The following CYP4F12 variants were observed in gnomAD, a reference collection of about 807,000 sequenced individuals.
CYP4F12 encodes cytochrome P450 4F12.
CYP4F12 carries 60 observed loss-of-function variants against 56.5 expected under a neutral mutation model. The observed-to-expected ratio is 1.06, with a 90% CI of 0.86 to 1.32. CYP4F12 has a LOEUF of 1.32. Ranked by LOEUF, CYP4F12 falls within the 40% of genes most tolerant of loss-of-function variation. The probability of loss-of-function intolerance (pLI) is 0.00; values close to 1 mark genes in which losing one functional copy is unlikely to be tolerated. For missense variants in CYP4F12, 711 were observed against 683.5 expected (o/e 1.04, Z -0.45); for synonymous variants, 263 against 264.9 (o/e 0.99, Z 0.07).
chr19:15,685,129 A>G lies in CYP4F12; in HGVS notation c.1047A>G (p.Glu349=), dbSNP rs61729075. ...TGTACAACCTTGCGAGGCACCCAGA[A>G]TACCAGGAGCGCTGCCGACAGGAGG... ...WVLYNLARHP[E]YQERCRQEVQ... The change falls in exon 9 of 13, where the codon GAA becomes GAG. Residue 349 remains glutamate, a synonymous_variant. Coordinates refer to ENST00000550308, the MANE Select transcript of CYP4F12 (RefSeq NM_023944.4). 4.6e-3 allele frequency: 7,345 copies of G among 1,613,678 alleles called. 67 individuals carry two copies. In the African/African-American group the frequency reaches 0.087, roughly 19 times the overall value.
In CYP4F12 at chr19:15,692,647, A is replaced by AT. The variant is rs554938107; in HGVS notation, c.1116-3282dup. On this transcript the variant is annotated intron_variant, in intron 9 of 12. Coordinates refer to ENST00000550308, the MANE Select transcript of CYP4F12 (RefSeq NM_023944.4). ...TGACAAGATAATGTTCAGATTAATC[A>AT]TTTTTTTCTAAAAGAGTCCTAAAAG... Among the ~76,000 whole-genome samples the AT allele has an allele frequency of 2.0e-4, 30 of 152,256 alleles. No individual in the cohort carries two copies. The South Asian group carries it at 5.6e-3, about 28-fold the overall frequency.
In CYP4F12 at chr19:15,678,314, T is replaced by C; in HGVS notation, c.252T>C (p.Tyr84=). Residue 84 remains tyrosine (Y), a synonymous_variant, in exon 3 of 13, where the codon TAT becomes TAC. Transcript: ENST00000550308. ...LKNSTQMSAT[Y]SQGFTVWLGP... ...ACTCGACCCAGATGTCGGCCACCTATTCCCAGGGCTTTACGGTATGGCTGG... is the reference window on the plus strand; with the variant it reads ...ACTCGACCCAGATGTCGGCCACCTACTCCCAGGGCTTTACGGTATGGCTGG... 1 of 1,614,204 alleles carries C rather than the reference T, an allele frequency of 6.2e-7. No homozygotes were observed. The highest frequency in any genetic ancestry group is 8.5e-7 in the Non-Finnish European group (1 of 1,180,038).
At chr19:15,675,748 C>T (rs1341252831) in intron 2 of CYP4F12, among the ~76,000 whole-genome samples, 2 of 152,220 alleles carry the variant, frequency 1.3e-5, no homozygotes, top group African/African-American at 4.8e-5. Flanking sequence ...ACGCTGCTCA[C>T]TGCAGAGGCT....
At position 15,696,501 on chromosome 19, in the gene CYP4F12, C is replaced by A; in HGVS notation, c.1386C>A (p.Ser462=). ...GRSPLAFIPF[S]AGPRNCIGQA... ...CACCTCTGGCTTTTATTCCTTTCTC[C>A]GCAGGGCCCAGGTAAGAGCGCCCTG... Residue 462 remains serine, a synonymous_variant, in exon 12 of 13, where the codon TCC becomes TCA. Coordinates refer to ENST00000550308, the MANE Select transcript of CYP4F12 (RefSeq NM_023944.4). The A allele has an allele frequency of 6.2e-7, 1 of 1,614,002 alleles. No individual in the cohort carries two copies. The highest frequency in any genetic ancestry group is 1.1e-5 in the South Asian group (1 of 91,070).
At chr19:15,676,154 G>C (rs2006908395) in intron 2 of CYP4F12, among the ~76,000 whole-genome samples, 1 of 152,110 alleles carries the variant, frequency 6.6e-6, no homozygotes, top group Non-Finnish European at 1.5e-5. Context: ...CAATGGATTG[G>C]ATGGGGTCTG....
intron 9 of CYP4F12, among the ~76,000 whole-genome samples, chr19:15,687,956 G>A (rs2007698809): frequency 6.6e-6 from 1 of 152,156 alleles, no homozygotes; most frequent in African/African-American, 2.4e-5. Flanking sequence ...AACCTCGAGT[G>A]GGGATGAACT....
In CYP4F12 at chr19:15,678,353, C is replaced by T. The variant is rs1353438509; in HGVS notation, c.291C>T (p.Pro97=). The T allele has an allele frequency of 6.8e-6, 11 of 1,614,100 alleles. No individual in the cohort carries two copies. The highest frequency in any genetic ancestry group is 1.3e-5 in the African/African-American group (1 of 74,938). ...GFTVWLGPII[P]FIVLCHPDTI... ...CGGTATGGCTGGGTCCCATCATCCC[C>T]TTCATCGTTTTATGCCACCCTGACA... Residue 97 remains proline, a synonymous_variant, in exon 3 of 13, where the codon CCC becomes CCT. Coordinates refer to ENST00000550308, the MANE Select transcript of CYP4F12 (RefSeq NM_023944.4).
chr19:15,683,304 A>G (rs1375166753), intron 6 of CYP4F12, among the ~76,000 whole-genome samples, 189 bp from the exon 7 acceptor site: 3 of 152,186 alleles, frequency 2.0e-5, no homozygotes, highest in East Asian at 3.8e-4. Context: ...TCTCAGAGAT[A>G]GGATGCAGGG....
At chr19:15,690,696 T>C (rs1233481978) in intron 9 of CYP4F12, among the ~76,000 whole-genome samples, 5 of 152,200 alleles carry the variant, frequency 3.3e-5, no homozygotes, top group Non-Finnish European at 7.4e-5. Context: ...ATTTTGTATA[T>C]ATACACCACA....
intron 9 of CYP4F12, among the ~76,000 whole-genome samples, chr19:15,692,864 A>T (rs2007935401): frequency 1.3e-5 from 2 of 152,102 alleles, no homozygotes; most frequent in South Asian, 4.1e-4. Context: ...ACTTGAGATC[A>T]GGAGTTCAAG....
rs1329059881 is a variant in CYP4F12 at position 15,677,574 on chromosome 19, T to C, written c.199-687T>C. The stretch of plus-strand genomic sequence containing the variant: ...TCTCCTCACTCACTCGTTCCTCTCC[T>C]CACTCGCTCATTCCTCTCCTCACTC... On this transcript the variant is annotated intron_variant, in intron 2 of 12. Coordinates refer to ENST00000550308, the MANE Select transcript of CYP4F12 (RefSeq NM_023944.4). Among the ~76,000 whole-genome samples, 7 of 17,356 alleles carry C rather than the reference T, an allele frequency of 4.0e-4. 3 individuals carry two copies. The highest frequency in any genetic ancestry group is 8.3e-4 in the Non-Finnish European group (7 of 8,430). The allele number at this position is 17,356 out of a possible 152,430, so 11.4% of individuals were successfully genotyped here.
At chr19:15,690,842 G>A (rs753571713) in intron 9 of CYP4F12, among the ~76,000 whole-genome samples, 3 of 152,004 alleles carry the variant, frequency 2.0e-5, no homozygotes, top group Non-Finnish European at 4.4e-5. Context: ...TCTCCAAGGG[G>A]GCCTGTAGAG....
At chr19:15,679,150 C>T (rs1427333170) in intron 3 of CYP4F12, among the ~76,000 whole-genome samples, 1 of 152,184 alleles carries the variant, frequency 6.6e-6, no homozygotes, top group African/African-American at 2.4e-5. Flanking sequence ...GCTCTGACCC[C>T]CAAATCCTTA....
At position 15,682,452 on chromosome 19, in the gene CYP4F12, C is replaced by T. The variant is rs779765914; in HGVS notation, c.589C>T (p.Leu197Phe). Residue 197 changes from leucine (L) to phenylalanine (F), a missense_variant, in exon 6 of 13, where the codon CTC becomes TTC. Transcript: ENST00000550308. The part of the protein sequence containing the change: ...SRLDMFEHIS[L>F]MTLDSLQKCI... ...TCTGGACATGTTTGAGCACATCAGCCTCATGACCTTGGACAGTCTACAGAA... is the reference window on the plus strand; with the variant it reads ...TCTGGACATGTTTGAGCACATCAGCTTCATGACCTTGGACAGTCTACAGAA... The T allele has an allele frequency of 1.2e-6, 2 of 1,613,974 alleles. No homozygotes were observed. The highest frequency in any genetic ancestry group is 1.7e-6 in the Non-Finnish European group (2 of 1,179,864).
rs761043636 is a variant in CYP4F12 at position 15,678,251 on chromosome 19, T to C, written c.199-10T>C. The C allele has an allele frequency of 4.3e-6, 7 of 1,614,042 alleles. No individual in the cohort carries two copies. The highest frequency in any genetic ancestry group is 5.9e-6 in the Non-Finnish European group (7 of 1,180,000). On this transcript the variant is annotated splice_polypyrimidine_tract_variant and intron_variant, in intron 2 of 12. Transcript: ENST00000550308. Reference sequence around the variant, plus strand: ...ATCACAGGAAGTGACAGCCCTTGACTTGCTTTCAGATCACTCCTACAGAGG... The same window carrying C: ...ATCACAGGAAGTGACAGCCCTTGACCTGCTTTCAGATCACTCCTACAGAGG...
rs927384995 is a variant in CYP4F12 at position 15,682,507 on chromosome 19, A to T, written c.644A>T (p.Gln215Leu). 1 of 1,613,232 alleles carries T rather than the reference A, an allele frequency of 6.2e-7. No homozygotes were observed. The highest frequency in any genetic ancestry group is 1.3e-5 in the African/African-American group (1 of 75,048). The change falls in exon 6 of 13, where the codon CAG becomes CTG. Residue 215 changes from glutamine to leucine, a missense_variant. Physicochemically the swap from Gln to Leu is moderately radical, Grantham distance 113. Transcript: ENST00000550308. ...ATCTTCAGCTTTGACAGCCATTGTC[A>T]GGAGTGAGTTCCTTCCTAGGGCCTG... ...KCIFSFDSHCQERPSEYIATI... is the reference protein window; with the variant it reads ...KCIFSFDSHCLERPSEYIATI...
chr19:15,679,398 C>T (rs2144717510), intron 3 of CYP4F12, among the ~76,000 whole-genome samples: 1 of 152,342 alleles, frequency 6.6e-6, no homozygotes, highest in East Asian at 1.9e-4. Context: ...GGCAGCCGTT[C>T]TCTTATCTGT....
At chr19:15,689,557 C>A (rs7250203) in intron 9 of CYP4F12, among the ~76,000 whole-genome samples, 43,140 of 152,052 alleles carry the variant, frequency 0.28, 6,658 homozygotes, top group African/African-American at 0.4. Flanking sequence ...TATTCCTTAG[C>A]GAACTAAAAG....
At position 15,685,101 on chromosome 19, in the gene CYP4F12, T is replaced by C. The variant is rs754394281; in HGVS notation, c.1019T>C (p.Val340Ala). The C allele has an allele frequency of 6.2e-7, 1 of 1,614,064 alleles. No homozygotes were observed. The highest frequency in any genetic ancestry group is 1.1e-5 in the South Asian group (1 of 91,066). The change falls in exon 9 of 13, where the codon GTC becomes GCC. Residue 340 changes from valine to alanine, a missense_variant. Physicochemically the swap from Val to Ala is moderately conservative, Grantham distance 64. Coordinates refer to ENST00000550308, the MANE Select transcript of CYP4F12 (RefSeq NM_023944.4). The stretch of plus-strand genomic sequence containing the variant: ...ACCACGGCCAGTGGCCTCTCCTGGG[T>C]CCTGTACAACCTTGCGAGGCACCCA... ...HDTTASGLSW[V>A]LYNLARHPEY...
Sources: gnomAD v4.1 joint callset for allele counts (sites outside exome capture counted in the v4.1 genomes callset) on GRCh38, gnomAD v4.1.1 for gene constraint, MANE v1.5 for transcripts, NCBI Gene and HGNC (gene_info 2026-07-23, HGNC 2026-07-21) for gene names.